The following CEP83 variants were observed in gnomAD, a reference collection of about 807,000 sequenced individuals.
CEP83 encodes the protein centrosomal protein of 83 kDa.
CEP83 carries 70 observed loss-of-function variants against 101.9 expected under a neutral mutation model. The ratio of observed to expected loss-of-function variants is 0.69; its 90% CI spans 0.57 to 0.84. The LOEUF (loss-of-function observed/expected upper bound fraction) is 0.84. CEP83 is among the 40% of genes least tolerant of loss of function. The pLI is 0.00. For missense variants in CEP83, 715 were observed against 787.2 expected, an observed-to-expected ratio of 0.91 and a Z score of 1.10; for synonymous variants, 264 against 267.9, an observed-to-expected ratio of 0.99 and a Z score of 0.14.
intron 4 of CEP83, among the ~76,000 whole-genome samples, chr12:94,410,714 C>T (rs1428546688): frequency 6.6e-6 from 1 of 152,158 alleles, no homozygotes; most frequent in African/African-American, 2.4e-5. Flanking sequence ...TGCATTGATT[C>T]TACAGGCTTA....
chr12:94,389,671 C>A (rs1018236638), intron 6 of CEP83, among the ~76,000 whole-genome samples: 1 of 152,314 alleles, frequency 6.6e-6, no homozygotes, highest in South Asian at 2.1e-4. Flanking sequence ...CGGGGCATCA[C>A]CTCACCCGGG....
rs769583511 is a variant in CEP83, at chr12:94,331,746, T to C, written c.1661A>G (p.Asn554Ser). The C allele has an allele frequency of 5.0e-6, 8 of 1,614,046 alleles. No individual in the cohort carries two copies. Among genetic ancestry groups the C allele is most frequent in the South Asian group, 2.2e-5 (2 of 91,082 alleles). The change falls in exon 14 of 17, where the codon AAT (asparagine) becomes AGT (serine). Residue 554 changes from asparagine to serine, a missense_variant. Transcript: ENST00000397809. ...ERITDREEKY[N>S]QAKEKLQRAA... is the part of the protein sequence containing the mutation. ...TCGCTGCAGTTTCTCCTTAGCTTGA[T>C]TGTACTTTTCTTCTCTGTCTGTGAT... is the stretch of plus-strand genomic sequence containing the variant.
intron 14 of CEP83, among the ~76,000 whole-genome samples, chr12:94,325,452 C>T (rs910165406): frequency 4.6e-5 from 7 of 152,110 alleles, no homozygotes; most frequent in African/African-American, 1.7e-4. Flanking sequence ...GGATTACAGG[C>T]GTGAGTCACC....
chr12:94,308,254 T>C lies in CEP83; in HGVS notation c.*559A>G, dbSNP rs1969284418. 6.6e-6 allele frequency: 1 copy of C among 152,330 alleles called. No homozygotes were observed. Among genetic ancestry groups the C allele is most frequent in the South Asian group, 2.1e-4 (1 of 4,838 alleles). 9.4% of individuals were successfully genotyped at this position (152,330 alleles called of 1,614,324 possible). A position where few individuals can be genotyped will look rare whatever the true frequency, so the allele number is the denominator to read the frequency against. ...GTCATATTGCTAAATATATGCTATATGGTTGATGTAAAATTAAACACACGA... is the reference window on the plus strand; with the variant it reads ...GTCATATTGCTAAATATATGCTATACGGTTGATGTAAAATTAAACACACGA... On this transcript the variant is annotated 3_prime_UTR_variant, in exon 17 of 17. Transcript: ENST00000397809.
chr12:94,402,948 C>T (rs2063340090), intron 5 of CEP83: 1 of 351,456 alleles, frequency 2.8e-6, no homozygotes, highest in Non-Finnish European at 5.1e-6. Context: ...AAGAAACGCA[C>T]CAATTCTGGA....
intron 11 of CEP83, among the ~76,000 whole-genome samples, chr12:94,357,074 C>T (rs914617819): frequency 6.6e-6 from 1 of 152,172 alleles, no homozygotes; most frequent in Non-Finnish European, 1.5e-5. Flanking sequence ...AGCTCGGTTA[C>T]AGGAGTCTCT....
At chr12:94,301,123 A>ATG in the CEP83 span, 1 of 1,438,622 alleles carries the variant, frequency 7.0e-7, no homozygotes, top group Non-Finnish European at 9.7e-7. Context: ...TCTTTCTGAT[A>ATG]AGCATTCAAA....
At chr12:94,282,185 C>T in the CEP83 span, 1 of 721,536 alleles carries the variant, frequency 1.4e-6, no homozygotes, top group Non-Finnish European at 2.4e-6. Context: ...CATCTCTACA[C>T]CTTCAAACAA....
chr12:94,376,720 CACACACACACACATATAT>C (rs1452439738), intron 7 of CEP83, among the ~76,000 whole-genome samples: 6 of 122,272 alleles, frequency 4.9e-5, no homozygotes, highest in Non-Finnish European at 5.3e-5. Flanking sequence ...CACACACACA[CACACACACACACATATAT>C]ATATATATAT....
chr12:94,388,913 G>A (rs946673894), intron 6 of CEP83, among the ~76,000 whole-genome samples: 2 of 152,152 alleles, frequency 1.3e-5, no homozygotes, highest in South Asian at 2.1e-4. Context: ...GATCACTTGA[G>A]GTCAGGAGTT....
chr12:94,355,449 C>A (rs1477328626), intron 11 of CEP83, among the ~76,000 whole-genome samples: 1 of 152,086 alleles, frequency 6.6e-6, no homozygotes, highest in Non-Finnish European at 1.5e-5. Flanking sequence ...GCAGATCGCA[C>A]CACTGCACTC....
intron 4 of CEP83, among the ~76,000 whole-genome samples, chr12:94,406,349 AAAC>A (rs201551331): frequency 0.088 from 13,363 of 151,514 alleles, 659 homozygotes; most frequent in East Asian, 0.2. Context: ...AACAAAACAA[AAAC>A]AACAACAACA....
chr12:94,402,404 T>C (rs1184711868), intron 5 of CEP83: 1 of 151,882 alleles, frequency 6.6e-6, no homozygotes, highest in East Asian at 1.9e-4. Flanking sequence ...AAGGTATGTA[T>C]ACCAGAAAAA....
chr12:94,326,885 A>G (rs1392254684), intron 14 of CEP83, among the ~76,000 whole-genome samples: 1 of 152,196 alleles, frequency 6.6e-6, no homozygotes, highest in Admixed American at 6.5e-5. Context: ...TGGCACTCTG[A>G]CTGTAGATTT....
At chr12:94,386,857 T>A (rs1243912181) in intron 6 of CEP83, among the ~76,000 whole-genome samples, 2 of 152,160 alleles carry the variant, frequency 1.3e-5, no homozygotes, top group African/African-American at 4.8e-5. Flanking sequence ...ACTCCTAGCA[T>A]TGTTGAGATG....
the CEP83 span, among the ~76,000 whole-genome samples, chr12:94,268,393 C>T: frequency 6.6e-6 from 1 of 152,082 alleles, no homozygotes; most frequent in African/African-American, 2.4e-5. Flanking sequence ...CATACTTCCT[C>T]CAGGACCATA....
chr12:94,356,900 T>G (rs2060502978), intron 11 of CEP83, among the ~76,000 whole-genome samples: 1 of 152,158 alleles, frequency 6.6e-6, no homozygotes, highest in Non-Finnish European at 1.5e-5. Context: ...GGTTGGCGGC[T>G]GGGCTGGTTT....
chr12:94,284,137 G>A, the CEP83 span, among the ~76,000 whole-genome samples: 1 of 151,076 alleles, frequency 6.6e-6, no homozygotes, highest in South Asian at 2.1e-4. Flanking sequence ...CTCAAGCACT[G>A]GTCTTAGGTT....
chr12:94,279,531 T>C, the CEP83 span: 1,561 of 1,614,226 alleles, frequency 9.7e-4, no homozygotes, highest in Non-Finnish European at 1.2e-3. Flanking sequence ...TCTGTCGGAA[T>C]ATTTCAGTCA....
Sources: allele counts gnomAD v4.1 joint callset (sites outside exome capture counted in the v4.1 genomes callset), GRCh38; gene constraint gnomAD v4.1.1; transcripts MANE v1.5; gene names NCBI Gene and HGNC (gene_info 2026-07-23, HGNC 2026-07-21).